GRID2IP: variants seen among roughly 807,000 people sequenced by gnomAD.
GRID2IP encodes delphilin.
GRID2IP carries 78 observed loss-of-function variants against 114.3 expected under a neutral mutation model. The ratio of observed to expected loss-of-function variants is 0.68; its 90% CI spans 0.57 to 0.82. The LOEUF (loss-of-function observed/expected upper bound fraction) is 0.82, where lower values mean the gene tolerates loss of function less well. Ranked by LOEUF, GRID2IP falls within the 40% of genes least tolerant of loss-of-function variation. GRID2IP has a pLI of 0.00. For missense variants in GRID2IP, 1,727 were observed against 1,678.5 expected (o/e 1.03, Z -0.51); for synonymous variants, 809 against 724.0 (o/e 1.12, Z -1.89).
chr7:6,522,968 C>G (rs1779441665), intron 4 of GRID2IP, among the ~76,000 whole-genome samples: 1 of 151,856 alleles, frequency 6.6e-6, no homozygotes, highest in African/African-American at 2.4e-5. Flanking sequence ...CCCGGCCACC[C>G]AATTTTTGTA....
intron 8 of GRID2IP, among the ~76,000 whole-genome samples, chr7:6,512,635 C>T (rs542717683): frequency 2.6e-5 from 4 of 152,016 alleles, no homozygotes; most frequent in East Asian, 1.9e-4. Flanking sequence ...CTCAGCCTCC[C>T]GAGTAGTTGG....
chr7:6,514,254 AAAACAAACAAACAAGC>A, intron 8 of GRID2IP, 105 bp downstream of exon 8: 3 of 1,015,306 alleles, frequency 3.0e-6, no homozygotes, highest in Non-Finnish European at 4.1e-6. Context: ...ACTCCATTTC[AAAACAAACAAACAAGC>A]AAACAAACAC....
chr7:6,515,019 T>C (rs1397119583), intron 7 of GRID2IP, among the ~76,000 whole-genome samples: 1 of 150,150 alleles, frequency 6.7e-6, no homozygotes, highest in Non-Finnish European at 1.5e-5. Context: ...GCTCCAGGGA[T>C]AGGGTAGCCA....
intron 1 of GRID2IP, among the ~76,000 whole-genome samples, chr7:6,547,498 T>C (rs1779905278): frequency 6.6e-6 from 1 of 151,942 alleles, no homozygotes; most frequent in Non-Finnish European, 1.5e-5. Flanking sequence ...TAGTGAGCTA[T>C]GATTGTACCA....
chr7:6,522,827 G>GTGTGTGTGTGTA (rs915713858), intron 4 of GRID2IP, among the ~76,000 whole-genome samples: 2 of 151,866 alleles, frequency 1.3e-5, no homozygotes, highest in Non-Finnish European at 2.9e-5. Context: ...GTGTGTGTGT[G>GTGTGTGTGTGTA]TGTGTGTTAG....
At chr7:6,529,989 C>G (rs372206638) in intron 2 of GRID2IP, among the ~76,000 whole-genome samples, 94 of 143,028 alleles carry the variant, frequency 6.6e-4, no homozygotes, top group African/African-American at 2.1e-3. Context: ...GACAAAGTCT[C>G]GCTCTGTCAC....
At chr7:6,542,256 G>T (rs1420387555) in intron 1 of GRID2IP, among the ~76,000 whole-genome samples, 1 of 129,224 alleles carries the variant, frequency 7.7e-6, no homozygotes, top group Non-Finnish European at 1.6e-5. Context: ...AGTGAGTCGA[G>T]ATCTTGCCAT....
chr7:6,535,784 C>G (rs1437181608), intron 2 of GRID2IP, among the ~76,000 whole-genome samples: 1 of 152,154 alleles, frequency 6.6e-6, no homozygotes, highest in Non-Finnish European at 1.5e-5. Context: ...CCTCTACTCC[C>G]TGTTGGGTGG....
chr7:6,504,687 C>T, intron 15 of GRID2IP, 106 bp downstream of exon 15: 1 of 853,302 alleles, frequency 1.2e-6, no homozygotes, highest in South Asian at 1.7e-5. Context: ...GACAGGAGGC[C>T]GGGTCCCCAC....
Position 6,551,142 on chromosome 7 carries a change from TCGGGGCCGCGGGGC to T in GRID2IP, c.281_294del (p.Gly94AspfsTer18). 7.5e-7 allele frequency: 1 copy of T among 1,326,480 alleles called. No individual in the cohort carries two copies. The highest frequency in any genetic ancestry group is 9.6e-7 in the Non-Finnish European group (1 of 1,044,030). The allele number at this position is 1,326,480 out of a possible 1,614,324, so 82.2% of individuals were successfully genotyped here. On this transcript the variant is annotated frameshift_variant, in exon 1 of 22. Transcript: ENST00000457091. LOFTEE classifies it high-confidence loss of function. Reference sequence around the variant, plus strand: ...CACCGCGGGGCCCGCAAGACTGTGGTCGGGGCCGCGGGGCCGGATCCTGGGCCGGGGCCACCGTC... The same window carrying T: ...CACCGCGGGGCCCGCAAGACTGTGGTCGGATCCTGGGCCGGGGCCACCGTC...
chr7:6,542,768 T>C (rs1016793956), intron 1 of GRID2IP, among the ~76,000 whole-genome samples: 9 of 152,242 alleles, frequency 5.9e-5, no homozygotes, highest in Non-Finnish European at 1.3e-4. Context: ...TAGTGATGGG[T>C]GTTACAATCC....
chr7:6,503,356 G>A (rs893507519), intron 16 of GRID2IP, 135 bp downstream of exon 16: 2 of 1,026,650 alleles, frequency 1.9e-6, no homozygotes, highest in East Asian at 5.5e-5. Flanking sequence ...GGCCATTAAA[G>A]GTGTTAAACT....
chr7:6,544,109 T>C lies in GRID2IP; in HGVS notation c.430-4237A>G, dbSNP rs140358285. Among the ~76,000 whole-genome samples the C allele has an allele frequency of 4.6e-5, 7 of 151,974 alleles. No individual in the cohort carries two copies. The East Asian group carries it at 1.4e-3, about 30-fold the overall frequency. Reference sequence around the variant, plus strand: ...ATCGTGCCTGGCCTGTCATGATCTTTAATAGCTTGTGTATTGATTAATCCA... The same window carrying C: ...ATCGTGCCTGGCCTGTCATGATCTTCAATAGCTTGTGTATTGATTAATCCA... On this transcript the variant is annotated intron_variant, in intron 1 of 21. Coordinates refer to ENST00000457091, the MANE Select transcript of GRID2IP (RefSeq NM_001145118.2).
Position 6,521,694 on chromosome 7 carries a change from G to C in GRID2IP, c.990-171C>G, listed in dbSNP as rs1212910208. 6.6e-6 allele frequency among the ~76,000 whole-genome samples: 1 copy of C among 152,212 alleles called. No homozygotes were observed. Among genetic ancestry groups the C allele is most frequent in the Non-Finnish European group, 1.5e-5 (1 of 68,032 alleles). On this transcript the variant is annotated intron_variant, in intron 5 of 21. Coordinates refer to ENST00000457091, the MANE Select transcript of GRID2IP (RefSeq NM_001145118.2). This position sits in a 1 kb window ranked among gnomAD's most constrained non-coding sequence, Gnocchi z 4.1. ...TTTTCTGGTTGGAAGGATGAACTGA[G>C]GTCCTGGCTAGAGTTGGCGACTGGC...
chr7:6,549,342 T>C (rs1779932714), intron 1 of GRID2IP, among the ~76,000 whole-genome samples: 1 of 152,234 alleles, frequency 6.6e-6, no homozygotes, highest in African/African-American at 2.4e-5. Context: ...CCCTACTTCC[T>C]GCAGGTGACT....
rs1562512531 is a variant in GRID2IP at position 6,506,173 on chromosome 7, C to CG, written c.2545-267dup. ...AGAAGCCAGCAAGGTGGGACTGCAG[C>CG]GGGGGCATGAAGGAGCTGTGAAGAG... is the stretch of plus-strand genomic sequence containing the variant. On this transcript the variant is annotated intron_variant, in intron 13 of 21. Transcript: ENST00000457091. This position sits in a 1 kb window ranked among gnomAD's most constrained non-coding sequence, Gnocchi z 5.2. 6.6e-6 allele frequency among the ~76,000 whole-genome samples: 1 copy of CG among 152,148 alleles called. No homozygotes were observed. Among genetic ancestry groups the CG allele is most frequent in the African/African-American group, 2.4e-5 (1 of 41,430 alleles).
chr7:6,526,354 C>G lies in GRID2IP; in HGVS notation c.834-45G>C. 1 of 1,533,464 alleles carries G rather than the reference C, an allele frequency of 6.5e-7. No homozygotes were observed. Among genetic ancestry groups the G allele is most frequent in the Non-Finnish European group, 8.8e-7 (1 of 1,131,544 alleles). The allele number at this position is 1,533,464 out of a possible 1,614,324, so 95.0% of individuals were successfully genotyped here. On this transcript the variant is annotated intron_variant, in intron 3 of 21. Transcript: ENST00000457091. This position sits in a 1 kb window ranked among gnomAD's most constrained non-coding sequence, Gnocchi z 7.6. ...CGAGCAGCATGATGGAGAGGGGGCCCTGGGGCGCAGAGGTTGGAGATGTCC... is the reference window on the plus strand; with the variant it reads ...CGAGCAGCATGATGGAGAGGGGGCCGTGGGGCGCAGAGGTTGGAGATGTCC...
intron 15 of GRID2IP, 141 bp from the exon 16 acceptor site, chr7:6,503,828 A>G: frequency 1.7e-6 from 1 of 592,436 alleles, no homozygotes; most frequent in Non-Finnish European, 2.8e-6. Flanking sequence ...TTGAGGCTGG[A>G]AGGACAAGAA....
chr7:6,502,177 G>A, intron 18 of GRID2IP, 59 bp from the exon 19 acceptor site: 1 of 1,475,910 alleles, frequency 6.8e-7, no homozygotes, highest in Non-Finnish European at 9.2e-7. Flanking sequence ...GGGTCACATG[G>A]GCCCAGCTTC....
Sources: allele counts gnomAD v4.1 joint callset (sites outside exome capture counted in the v4.1 genomes callset), GRCh38; gene constraint gnomAD v4.1.1; non-coding constraint Gnocchi (gnomAD v3.1); transcripts MANE v1.5; gene names NCBI Gene and HGNC (gene_info 2026-07-23, HGNC 2026-07-21).